The following UBE3C variants were observed in gnomAD, a reference collection of about 807,000 sequenced individuals.
The protein encoded by UBE3C is ubiquitin-protein ligase E3C.
In UBE3C, 42 loss-of-function variants were observed where a neutral mutation model predicts 129.4. That is an observed-to-expected ratio of 0.32 (90% confidence interval 0.25 to 0.42). The LOEUF is 0.42. UBE3C is among the 10% of genes least tolerant of loss of function. The pLI is 1.00. For missense variants in UBE3C, 1,049 were observed against 1,319.1 expected (o/e 0.80, Z 3.17); for synonymous variants, 510 against 492.4 (o/e 1.04, Z -0.47).
intron 4 of UBE3C, among the ~76,000 whole-genome samples, chr7:157,171,687 T>TA (rs1491094674): frequency 0.04 from 235 of 5,844 alleles, no homozygotes; most frequent in South Asian, 0.068. Context: ...TATATATATA[T>TA]TTTTTTTTTT....
At chr7:157,187,092 C>G in intron 10 of UBE3C, 71 bp downstream of exon 10, 2 of 1,485,392 alleles carry the variant, frequency 1.3e-6, no homozygotes, top group Non-Finnish European at 1.8e-6. Context: ...GGGAATTGCT[C>G]TCCTCTTAAG....
At chr7:157,206,410 G>T (rs1352821491) in intron 11 of UBE3C, among the ~76,000 whole-genome samples, 1 of 151,822 alleles carries the variant, frequency 6.6e-6, no homozygotes. Context: ...TTACAGGCAC[G>T]TGCCACCACA....
chr7:157,143,047 A>G (rs1366682319), intron 1 of UBE3C, among the ~76,000 whole-genome samples: 4 of 151,912 alleles, frequency 2.6e-5, no homozygotes, highest in Non-Finnish European at 4.4e-5. Context: ...TTGTATTTTT[A>G]GTAGAGATGG....
chr7:157,210,031 T>C (rs1000650015), intron 13 of UBE3C, among the ~76,000 whole-genome samples: 1 of 152,022 alleles, frequency 6.6e-6, no homozygotes, highest in Non-Finnish European at 1.5e-5. Flanking sequence ...ATACAAAAAA[T>C]TAGCTGGGCG....
intron 1 of UBE3C, among the ~76,000 whole-genome samples, chr7:157,153,743 A>G (rs1586646485): frequency 6.6e-6 from 1 of 152,128 alleles, no homozygotes; most frequent in East Asian, 1.9e-4. Flanking sequence ...CTGGGAGGCT[A>G]AGGCAGGCAG....
intron 10 of UBE3C, among the ~76,000 whole-genome samples, chr7:157,190,551 C>T (rs1344441297): frequency 6.6e-6 from 1 of 152,032 alleles, no homozygotes; most frequent in African/African-American, 2.4e-5. Context: ...AGAACACACC[C>T]ACCCTCACGG....
rs150193811 is a variant in UBE3C, at chr7:157,264,001, G to A, written c.3082-3584G>A. 3.2e-3 allele frequency among the ~76,000 whole-genome samples: 481 copies of A among 152,090 alleles called. 5 individuals carry two copies. Among genetic ancestry groups the A allele is most frequent in the African/African-American group, 0.011 (460 of 41,452 alleles). ...TTGCCCAGGCTGTCAGAAACTCCTG[G>A]CCTTGAGTGATCTCCCACACCAGCC... On this transcript the variant is annotated intron_variant, in intron 22 of 22. Transcript: ENST00000348165.
At chr7:157,167,239 T>C (rs1398110657) in intron 2 of UBE3C, among the ~76,000 whole-genome samples, 1 of 151,566 alleles carries the variant, frequency 6.6e-6, no homozygotes, top group Non-Finnish European at 1.5e-5. Flanking sequence ...CCTCACAGGA[T>C]TTTTTTATAA....
intron 15 of UBE3C, 181 bp from the exon 16 acceptor site, chr7:157,223,073 G>T: frequency 1.7e-6 from 1 of 588,758 alleles, no homozygotes; most frequent in Middle Eastern, 3.3e-4. Context: ...GGGAGCTACT[G>T]TGCTGATCCT....
chr7:157,195,347 A>C (rs1466242887), intron 10 of UBE3C, among the ~76,000 whole-genome samples: 3 of 152,198 alleles, frequency 2.0e-5, no homozygotes, highest in Non-Finnish European at 1.5e-5. Context: ...AGAGAATATA[A>C]AAGAAGAAAC....
Position 157,248,533 on chromosome 7 carries a change from C to G in UBE3C, c.2647C>G (p.Leu883Val). 2.5e-6 allele frequency: 4 copies of G among 1,612,824 alleles called. No homozygotes were observed. Among genetic ancestry groups the G allele is most frequent in the Non-Finnish European group, 3.4e-6 (4 of 1,180,028 alleles). ...LKSYEDDVEE[L>V]GLNFTVVNND... ...GAGCTACGAAGACGATGTGGAGGAG[C>G]TTGGGCTGAACTTCACTGTGGTGAA... Residue 883 changes from leucine (L) to valine (V), a missense_variant, in exon 19 of 23, where the codon CTT (leucine) becomes GTT (valine). This residue lies in a region of UBE3C where 243 missense variants were observed against 368.7 expected (regional missense o/e 0.66). Transcript: ENST00000348165.
At chr7:157,190,578 G>T (rs746915993) in intron 10 of UBE3C, among the ~76,000 whole-genome samples, 3 of 152,112 alleles carry the variant, frequency 2.0e-5, no homozygotes, top group Non-Finnish European at 4.4e-5. Flanking sequence ...CTGGTGGGCG[G>T]TGCTGCCCAG....
chr7:157,220,809 A>G (rs775846988), intron 15 of UBE3C, 33 bp downstream of exon 15: 2 of 1,606,452 alleles, frequency 1.2e-6, no homozygotes, highest in South Asian at 1.1e-5. Context: ...TTACTGAGGT[A>G]TGAATTACAT....
chr7:157,254,647 C>G (rs879528256), intron 21 of UBE3C, among the ~76,000 whole-genome samples: 13 of 152,068 alleles, frequency 8.5e-5, no homozygotes, highest in Non-Finnish European at 1.5e-4. Context: ...ATCCACCCCC[C>G]TCAGCCTCCC....
At chr7:157,252,033 G>A (rs555621291) in intron 19 of UBE3C, among the ~76,000 whole-genome samples, 1 of 152,208 alleles carries the variant, frequency 6.6e-6, no homozygotes, top group South Asian at 2.1e-4. Flanking sequence ...CTACTCGGGA[G>A]GCTGAAGCAC....
At chr7:157,149,706 G>A (rs77344990) in intron 1 of UBE3C, among the ~76,000 whole-genome samples, 2,887 of 152,156 alleles carry the variant, frequency 0.019, 44 homozygotes, top group Non-Finnish European at 0.029. Context: ...AAAAATAGAT[G>A]GTCTCATAAG....
At chr7:157,162,236 C>T (rs1808090382) in intron 1 of UBE3C, among the ~76,000 whole-genome samples, 1 of 151,650 alleles carries the variant, frequency 6.6e-6, no homozygotes, top group African/African-American at 2.4e-5. Flanking sequence ...GCTGTGTTGC[C>T]CAGGCTGGAG....
intron 16 of UBE3C, 50 bp from the exon 17 acceptor site, chr7:157,225,357 G>GT: frequency 6.4e-7 from 1 of 1,565,352 alleles, no homozygotes; most frequent in Non-Finnish European, 8.6e-7. Flanking sequence ...TTGGTAGGTT[G>GT]TAAGAGGTCT....
intron 11 of UBE3C, among the ~76,000 whole-genome samples, chr7:157,202,431 C>T (rs1586685131): frequency 6.6e-6 from 1 of 152,090 alleles, no homozygotes; most frequent in South Asian, 2.1e-4. Context: ...CCGAGGCCAG[C>T]GGATCACCTG....
Sources: allele counts gnomAD v4.1 joint callset (sites outside exome capture counted in the v4.1 genomes callset), GRCh38; gene constraint gnomAD v4.1.1; regional missense constraint gnomAD v4.1.1; transcripts MANE v1.5; gene names NCBI Gene and HGNC (gene_info 2026-07-23, HGNC 2026-07-21).